The following PEX5L variants were observed in gnomAD, a reference collection of about 807,000 sequenced individuals.
PEX5L encodes the protein PEX5-related protein.
In PEX5L, 30 loss-of-function variants were observed where a neutral mutation model predicts 84.0. That is an observed-to-expected ratio of 0.36 (90% CI 0.27 to 0.48). The LOEUF (loss-of-function observed/expected upper bound fraction) is 0.48, where lower values mean the gene tolerates loss of function less well. Among genes scored for constraint, PEX5L ranks in the 20% least tolerant of loss-of-function variants. PEX5L has a pLI of 0.99. For synonymous variants in PEX5L, 270 were observed against 283.1 expected, an observed-to-expected ratio of 0.95 and a Z score of 0.46; for missense variants, 533 against 754.6, an observed-to-expected ratio of 0.71 and a Z score of 3.44.
At chr3:180,024,338 T>C (rs1790704000) in intron 1 of PEX5L, among the ~76,000 whole-genome samples, 1 of 110,610 alleles carries the variant, frequency 9.0e-6, no homozygotes, top group Non-Finnish European at 1.8e-5. Context: ...TGAAACCCCG[T>C]CCCTACTAAA....
chr3:179,939,093 C>T (rs1162849326), intron 2 of PEX5L, among the ~76,000 whole-genome samples: 1 of 152,196 alleles, frequency 6.6e-6, no homozygotes, highest in East Asian at 1.9e-4. Context: ...ATTTGAATTC[C>T]TTTGGGAAAT....
intron 2 of PEX5L, among the ~76,000 whole-genome samples, chr3:179,959,089 C>T (rs116760827): frequency 0.016 from 2,378 of 151,978 alleles, 62 homozygotes; most frequent in African/African-American, 0.055. Flanking sequence ...AAACCAGATT[C>T]CTGGGCCCCA....
intron 2 of PEX5L, among the ~76,000 whole-genome samples, chr3:179,950,515 C>T (rs78935077): frequency 1.3e-5 from 2 of 151,642 alleles, no homozygotes; most frequent in Non-Finnish European, 1.5e-5. Context: ...AGTATAATAA[C>T]AAAATTTAAA....
intron 3 of PEX5L, among the ~76,000 whole-genome samples, chr3:179,891,092 T>C (rs757062526): frequency 6.6e-6 from 1 of 151,700 alleles, no homozygotes; most frequent in Non-Finnish European, 1.5e-5. Context: ...GGAGAGGCTA[T>C]TCTGAGAGAC....
At chr3:179,849,713 G>C (rs990998396) in intron 8 of PEX5L, among the ~76,000 whole-genome samples, 2 of 152,328 alleles carry the variant, frequency 1.3e-5, no homozygotes, top group African/African-American at 4.8e-5. Context: ...GCACAGAATA[G>C]TCTGTAACTC....
At chr3:180,020,737 T>C (rs533520783) in intron 1 of PEX5L, among the ~76,000 whole-genome samples, 3 of 152,290 alleles carry the variant, frequency 2.0e-5, no homozygotes, top group Non-Finnish European at 2.9e-5. Context: ...TCAAGAATAA[T>C]TGATTTTTTA....
intron 8 of PEX5L, among the ~76,000 whole-genome samples, chr3:179,831,813 A>G (rs546196393): frequency 6.6e-6 from 1 of 152,188 alleles, no homozygotes; most frequent in Non-Finnish European, 1.5e-5. Context: ...AAGCTAGGAG[A>G]AGGATTACAG....
intron 2 of PEX5L, among the ~76,000 whole-genome samples, chr3:179,908,599 C>T (rs896522707): frequency 5.3e-5 from 8 of 151,350 alleles, no homozygotes; most frequent in South Asian, 2.1e-4. Flanking sequence ...GGTATATCTC[C>T]TAATGCTATC....
chr3:179,891,633 G>A (rs1485938480), intron 3 of PEX5L, among the ~76,000 whole-genome samples: 1 of 152,132 alleles, frequency 6.6e-6, no homozygotes, highest in East Asian at 1.9e-4. Context: ...AAATGAGGAA[G>A]TGACTTTGCA....
chr3:179,961,959 T>C (rs184419270), intron 2 of PEX5L, among the ~76,000 whole-genome samples: 2 of 152,326 alleles, frequency 1.3e-5, no homozygotes, highest in Admixed American at 6.5e-5. Context: ...AGATGAGCTG[T>C]AGAAAAACCA....
chr3:179,946,705 T>G (rs1338424134), intron 2 of PEX5L, among the ~76,000 whole-genome samples: 2 of 152,196 alleles, frequency 1.3e-5, no homozygotes, highest in Non-Finnish European at 2.9e-5. Context: ...GGCATCAGTA[T>G]TTGGAAAAAA....
At chr3:179,809,699 T>G (rs1560178671) in intron 11 of PEX5L, 31 bp from the exon 12 acceptor site, 1 of 1,545,648 alleles carries the variant, frequency 6.5e-7, no homozygotes. Context: ...AATTTCAGAT[T>G]TTTTTTTGAG....
chr3:179,909,886 C>T (rs767711185), intron 2 of PEX5L, among the ~76,000 whole-genome samples: 2 of 152,198 alleles, frequency 1.3e-5, no homozygotes, highest in South Asian at 4.1e-4. Flanking sequence ...ACCCTGCCCA[C>T]ACCTTGATCT....
intron 2 of PEX5L, among the ~76,000 whole-genome samples, chr3:179,928,907 C>T (rs942942011): frequency 6.6e-6 from 1 of 152,224 alleles, no homozygotes; most frequent in African/African-American, 2.4e-5. Context: ...CATTACCTTT[C>T]CATACATTCT....
chr3:179,823,553 C>T (rs1729284254), intron 8 of PEX5L, among the ~76,000 whole-genome samples: 1 of 152,114 alleles, frequency 6.6e-6, no homozygotes, highest in African/African-American at 2.4e-5. Flanking sequence ...TCCAAATTTT[C>T]TATTGCTAGC....
At chr3:179,864,168 A>G (rs1018694987) in intron 7 of PEX5L, among the ~76,000 whole-genome samples, 2 of 152,150 alleles carry the variant, frequency 1.3e-5, no homozygotes, top group African/African-American at 4.8e-5. Flanking sequence ...TTTTATCAGC[A>G]GCGGGAAAAC....
At chr3:179,962,964 C>T (rs1560944822) in intron 2 of PEX5L, among the ~76,000 whole-genome samples, 1 of 152,184 alleles carries the variant, frequency 6.6e-6, no homozygotes, top group Non-Finnish European at 1.5e-5. Context: ...AACAGCAATA[C>T]ATTTTTCCAG....
chr3:179,904,499 G>A (rs1241690812), intron 2 of PEX5L, among the ~76,000 whole-genome samples: 1 of 152,152 alleles, frequency 6.6e-6, no homozygotes, highest in East Asian at 1.9e-4. Context: ...GCCACCATAT[G>A]TATACTCACT....
intron 2 of PEX5L, among the ~76,000 whole-genome samples, chr3:179,967,887 T>A (rs1465003231): frequency 2.0e-5 from 3 of 152,092 alleles, no homozygotes; most frequent in South Asian, 2.1e-4. Flanking sequence ...ACCCCGGGGG[T>A]GGGATCCAGT....
Sources: gnomAD v4.1 joint callset for allele counts (sites outside exome capture counted in the v4.1 genomes callset) on GRCh38, gnomAD v4.1.1 for gene constraint, MANE v1.5 for transcripts, NCBI Gene and HGNC (gene_info 2026-07-23, HGNC 2026-07-21) for gene names.